Variants in CNOT10 observed in about 807,000 individuals in gnomAD.
The protein encoded by CNOT10 is CCR4-NOT transcription complex, subunit 10.
CNOT10 carries 30 observed loss-of-function variants against 94.6 expected under a neutral mutation model. That is an observed-to-expected ratio of 0.32 (90% CI 0.24 to 0.43). The LOEUF is 0.43. CNOT10 is among the 20% of genes least tolerant of loss of function. The pLI is 1.00. For synonymous variants in CNOT10, 289 were observed against 301.6 expected, an observed-to-expected ratio of 0.96 and a Z score of 0.43; for missense variants, 759 against 877.2, an observed-to-expected ratio of 0.87 and a Z score of 1.70.
Position 32,762,726 on chromosome 3 carries a change from A to G in CNOT10, c.1710-7A>G. On this transcript the variant is annotated splice_polypyrimidine_tract_variant and splice_region_variant and intron_variant, in intron 14 of 18. Coordinates refer to ENST00000328834, the MANE Select transcript of CNOT10 (RefSeq NM_015442.3). ...TTTTCAGTTTGGAATCTGTTTTTTC[A>G]TTTTAGGTTTTTGGGACATTTATAT... The G allele has an allele frequency of 6.3e-7, 1 of 1,581,704 alleles. No homozygotes were observed. Among genetic ancestry groups the G allele is most frequent in the Non-Finnish European group, 8.5e-7 (1 of 1,171,134 alleles).
At chr3:32,762,197 C>T (rs1700479612) in intron 14 of CNOT10, among the ~76,000 whole-genome samples, 2 of 148,892 alleles carry the variant, frequency 1.3e-5, no homozygotes, top group Admixed American at 1.3e-4. Flanking sequence ...GGCATGGTGG[C>T]TCACGCCTGT....
At chr3:32,769,486 C>T in intron 17 of CNOT10, 1 of 181,628 alleles carries the variant, frequency 5.5e-6, no homozygotes, top group African/African-American at 2.3e-5. Context: ...TACGTTTTTT[C>T]TGTATTACTA....
At chr3:32,755,138 C>G (rs953359309) in intron 13 of CNOT10, among the ~76,000 whole-genome samples, 15 of 150,382 alleles carry the variant, frequency 1.0e-4, no homozygotes, top group African/African-American at 3.6e-4. Context: ...CCCAGCTACT[C>G]GGGAGGCTGA....
At chr3:32,695,077 A>G (rs541446275) in intron 1 of CNOT10, among the ~76,000 whole-genome samples, 1 of 152,320 alleles carries the variant, frequency 6.6e-6, no homozygotes. Flanking sequence ...ACTACTGGGC[A>G]GGATGCTCAA....
chr3:32,729,725 TAACTGATA>T (rs1284717776), intron 10 of CNOT10, among the ~76,000 whole-genome samples: 1 of 151,958 alleles, frequency 6.6e-6, no homozygotes, highest in Non-Finnish European at 1.5e-5. Context: ...GGTTAATTCT[TAACTGATA>T]AACAGTTCTA....
intron 13 of CNOT10, among the ~76,000 whole-genome samples, chr3:32,754,710 C>G (rs538845753): frequency 1.2e-3 from 170 of 146,968 alleles, no homozygotes; most frequent in African/African-American, 3.9e-3. Context: ...TTGGTAGAGA[C>G]GGGGTTTCGC....
chr3:32,708,853 T>C, intron 4 of CNOT10, 33 bp downstream of exon 4: 1 of 1,580,662 alleles, frequency 6.3e-7, no homozygotes, highest in Non-Finnish European at 8.6e-7. Context: ...AATTTCCCTA[T>C]CTTCCCTATA....
intron 13 of CNOT10, among the ~76,000 whole-genome samples, chr3:32,738,219 T>C (rs2125586860): frequency 6.6e-6 from 1 of 152,154 alleles, no homozygotes; most frequent in South Asian, 2.1e-4. Context: ...AAAATAACTA[T>C]TGGGTACTAG....
At chr3:32,729,352 G>A (rs370944172) in intron 10 of CNOT10, among the ~76,000 whole-genome samples, 13 of 152,162 alleles carry the variant, frequency 8.5e-5, no homozygotes, top group African/African-American at 3.1e-4. Context: ...TAGGAGATAG[G>A]GGAAAGACGG....
intron 9 of CNOT10, among the ~76,000 whole-genome samples, chr3:32,727,031 G>C (rs2125564064): frequency 6.6e-6 from 1 of 151,972 alleles, no homozygotes; most frequent in East Asian, 2.0e-4. Flanking sequence ...ATTTTTAGTA[G>C]AGATGGGGTT....
At position 32,685,481 on chromosome 3, in the gene CNOT10, A is replaced by C; in HGVS notation, c.21A>C (p.Ala7=). 1 of 1,550,346 alleles carries C rather than the reference A, an allele frequency of 6.5e-7. No homozygotes were observed. Residue 7 remains alanine (A), a splice_region_variant and synonymous_variant, in exon 1 of 19, where the codon GCA becomes GCC. Coordinates refer to ENST00000328834, the MANE Select transcript of CNOT10 (RefSeq NM_015442.3). ...GGAAGATGGCTGCAGACAAGCCTGC[A>C]GGTAGGGCGCCAATGTCCCGAGCGA... MAADKP[A]DQGAEKHEGT...
chr3:32,712,623 A>G (rs1697943461), intron 4 of CNOT10, among the ~76,000 whole-genome samples: 1 of 152,112 alleles, frequency 6.6e-6, no homozygotes. Flanking sequence ...AAGTGGGTGG[A>G]TCACTTGAGC....
intron 8 of CNOT10, among the ~76,000 whole-genome samples, chr3:32,720,549 G>A (rs1698327644): frequency 6.6e-6 from 1 of 150,608 alleles, no homozygotes; most frequent in South Asian, 2.1e-4. Context: ...GCTGAGTGCA[G>A]TGCCACAATC....
intron 10 of CNOT10, among the ~76,000 whole-genome samples, chr3:32,728,250 C>A (rs770697755): frequency 6.6e-6 from 1 of 152,078 alleles, no homozygotes; most frequent in Non-Finnish European, 1.5e-5. Flanking sequence ...GCCACCTCAG[C>A]CTCCCGAAGT....
chr3:32,733,338 AG>A (rs1699040397), intron 10 of CNOT10, 84 bp from the exon 11 acceptor site: 3 of 1,058,988 alleles, frequency 2.8e-6, no homozygotes, highest in Non-Finnish European at 2.7e-6. Flanking sequence ...TTAAATTTAG[AG>A]TAATTGTGAG....
intron 1 of CNOT10, among the ~76,000 whole-genome samples, chr3:32,702,033 C>T (rs1046352885): frequency 5.3e-5 from 8 of 151,474 alleles, no homozygotes; most frequent in African/African-American, 1.2e-4. Context: ...CTCCTGACCT[C>T]GTGATCCACC....
intron 10 of CNOT10, 49 bp from the exon 11 acceptor site, chr3:32,733,374 A>G (rs1476219423): frequency 2.9e-6 from 4 of 1,378,346 alleles, no homozygotes. Context: ...TTTTTATACC[A>G]CATCTTACAA....
intron 5 of CNOT10, 49 bp from the exon 6 acceptor site, chr3:32,716,176 A>G: frequency 2.0e-6 from 2 of 1,005,960 alleles, no homozygotes; most frequent in South Asian, 1.7e-5. Flanking sequence ...GATTTAAATT[A>G]TGGTCAAAAA....
rs754124949 is a variant in CNOT10 at position 32,764,443 on chromosome 3, G to T, written c.1841-12G>T. The T allele has an allele frequency of 1.9e-6, 3 of 1,613,332 alleles. No individual in the cohort carries two copies. The highest frequency in any genetic ancestry group is 2.5e-6 in the Non-Finnish European group (3 of 1,179,754). Reference sequence around the variant, plus strand: ...TGTTCTGCCCCTCAGATTTATTTTCGTGTTTTTGTAGGATCAGACAAAGGT... The same window carrying T: ...TGTTCTGCCCCTCAGATTTATTTTCTTGTTTTTGTAGGATCAGACAAAGGT... On this transcript the variant is annotated splice_polypyrimidine_tract_variant and intron_variant, in intron 15 of 18. Transcript: ENST00000328834.
Sources: gnomAD v4.1 joint callset for allele counts (sites outside exome capture counted in the v4.1 genomes callset) on GRCh38, gnomAD v4.1.1 for gene constraint, MANE v1.5 for transcripts, NCBI Gene and HGNC (gene_info 2026-07-23, HGNC 2026-07-21) for gene names.